ZFHX4: variants seen among roughly 807,000 people sequenced by gnomAD.
ZFHX4 encodes zinc finger homeobox 4, also known as zinc finger homeobox protein 4.
ZFHX4 carries 56 observed loss-of-function variants against 267.6 expected under a neutral mutation model. The observed-to-expected ratio is 0.21, with a 90% CI of 0.17 to 0.26. The LOEUF (loss-of-function observed/expected upper bound fraction) is 0.26. Ranked by LOEUF, ZFHX4 falls within the 10% of genes least tolerant of loss-of-function variation. ZFHX4 has a pLI of 1.00. For synonymous variants in ZFHX4, 1,778 were observed against 1,665.6 expected (o/e 1.07, Z -1.64); for missense variants, 4,332 against 4,420.0 (o/e 0.98, Z 0.56).
intron 4 of ZFHX4, among the ~76,000 whole-genome samples, chr8:76,803,078 C>G (rs1441982309): frequency 6.6e-6 from 1 of 152,030 alleles, no homozygotes; most frequent in Non-Finnish European, 1.5e-5. Context: ...TTCACTAATT[C>G]CTGTCAGCAC....
At chr8:76,786,978 A>G (rs72659515) in intron 4 of ZFHX4, among the ~76,000 whole-genome samples, 1 of 152,326 alleles carries the variant, frequency 6.6e-6, no homozygotes, top group Non-Finnish European at 1.5e-5. Flanking sequence ...TTATTTTGCC[A>G]TAGGGGGGTA....
rs58390907 is a variant in ZFHX4, at chr8:76,861,455, C to T, written c.9380-1639C>T. 0.028 allele frequency among the ~76,000 whole-genome samples: 4,321 copies of T among 152,112 alleles called. 373 individuals are homozygous for T. The East Asian group carries it at 0.36, about 13-fold the overall frequency. The stretch of plus-strand genomic sequence containing the variant: ...AGGATGTTGGGAGATTGTTTTCTAA[C>T]ATCATGTAAACTCCTTAGAGTCTAT... On this transcript the variant is annotated intron_variant, in intron 10 of 10. Transcript: ENST00000651372.
intron 5 of ZFHX4, among the ~76,000 whole-genome samples, chr8:76,839,418 A>G (rs940605015): frequency 1.3e-5 from 2 of 152,168 alleles, no homozygotes; most frequent in African/African-American, 4.8e-5. Flanking sequence ...GTAAAAATGA[A>G]TATGTATTAT....
intron 4 of ZFHX4, among the ~76,000 whole-genome samples, chr8:76,798,619 T>G (rs1811043089): frequency 6.6e-6 from 1 of 152,214 alleles, no homozygotes; most frequent in Non-Finnish European, 1.5e-5. Context: ...GCAAGTGTAT[T>G]TTTTAAAATT....
chr8:76,741,038 G>A (rs1809302712), intron 3 of ZFHX4, among the ~76,000 whole-genome samples: 1 of 152,122 alleles, frequency 6.6e-6, no homozygotes, highest in South Asian at 2.1e-4. Context: ...CTACATAGGA[G>A]TGGTGATAAG....
intron 1 of ZFHX4, among the ~76,000 whole-genome samples, chr8:76,688,010 C>G (rs1304759040): frequency 6.6e-6 from 1 of 152,130 alleles, no homozygotes; most frequent in Non-Finnish European, 1.5e-5. Flanking sequence ...AGCAGGGGCT[C>G]AGATTTCAGC....
At position 76,854,437 on chromosome 8, in the gene ZFHX4, G is replaced by C; in HGVS notation, c.7516G>C (p.Glu2506Gln). 6.2e-7 allele frequency: 1 copy of C among 1,613,856 alleles called. No individual in the cohort carries two copies. The highest frequency in any genetic ancestry group is 8.5e-7 in the Non-Finnish European group (1 of 1,179,864). ...GTGTACAGTTGCCTTCCCAACTCTGGAACTCTGGCAGGAACACCAGCACAT... is the reference window on the plus strand; with the variant it reads ...GTGTACAGTTGCCTTCCCAACTCTGCAACTCTGGCAGGAACACCAGCACAT... ...DQCTVAFPTL[E>Q]LWQEHQHMHF... is the part of the protein sequence containing the mutation. Residue 2506 changes from glutamate to glutamine, a missense_variant, in exon 10 of 11, where the codon GAA (glutamate) becomes CAA (glutamine). Transcript: ENST00000651372.
At chr8:76,687,883 C>T (rs1215581038) in intron 1 of ZFHX4, among the ~76,000 whole-genome samples, 2 of 152,070 alleles carry the variant, frequency 1.3e-5, no homozygotes, top group Non-Finnish European at 2.9e-5. Context: ...TGAATAGGGT[C>T]CTGAATGGCT....
At chr8:76,734,997 T>C (rs1029392758) in intron 3 of ZFHX4, among the ~76,000 whole-genome samples, 4 of 152,150 alleles carry the variant, frequency 2.6e-5, no homozygotes, top group Non-Finnish European at 5.9e-5. Context: ...TGATACTCTA[T>C]TGATGATAGA....
chr8:76,698,702 G>T (rs536657477), intron 1 of ZFHX4, among the ~76,000 whole-genome samples: 2 of 150,552 alleles, frequency 1.3e-5, no homozygotes, highest in Non-Finnish European at 3.0e-5. Flanking sequence ...GGAAAACAGA[G>T]AAAAACGACT....
intron 3 of ZFHX4, among the ~76,000 whole-genome samples, chr8:76,735,255 G>A (rs1391131003): frequency 6.6e-6 from 1 of 152,014 alleles, no homozygotes; most frequent in Non-Finnish European, 1.5e-5. Context: ...AGGTTTTTGA[G>A]CCACTAGGTG....
Position 76,855,891 on chromosome 8 carries a change from C to A in ZFHX4, c.8970C>A (p.Asn2990Lys). 2 of 1,613,800 alleles carry A rather than the reference C, an allele frequency of 1.2e-6. No individual in the cohort carries two copies. The highest frequency in any genetic ancestry group is 2.2e-5 in the South Asian group (2 of 91,072). ...ARAKEKKFKI[N>K]IGKPFMINQG... is the part of the protein sequence containing the mutation. Reference sequence around the variant, plus strand: ...CAAAGGAAAAGAAATTTAAAATTAACATAGGGAAGCCTTTCATGATCAATC... The same window carrying A: ...CAAAGGAAAAGAAATTTAAAATTAAAATAGGGAAGCCTTTCATGATCAATC... The change falls in exon 10 of 11, where the codon AAC becomes AAA. Residue 2990 changes from asparagine to lysine, a missense_variant. Transcript: ENST00000651372.
intron 1 of ZFHX4, among the ~76,000 whole-genome samples, chr8:76,702,609 G>A (rs1008903661): frequency 6.6e-6 from 1 of 152,120 alleles, no homozygotes; most frequent in African/African-American, 2.4e-5. Context: ...GAGCATCCAG[G>A]CTGAGATAGT....
intron 3 of ZFHX4, among the ~76,000 whole-genome samples, chr8:76,751,645 A>G (rs895801622): frequency 2.0e-5 from 3 of 152,236 alleles, no homozygotes; most frequent in African/African-American, 7.2e-5. Flanking sequence ...GGGAAAGAAG[A>G]TGAGATAAAA....
chr8:76,704,989 C>G lies in ZFHX4; in HGVS notation c.901C>G (p.His301Asp). ...RSFVTHAVHD[H>D]RMTLNDEEQK... is the part of the protein sequence containing the mutation. ...ATTTGTAACCCATGCTGTGCATGAT[C>G]ATCGGATGACCCTCAATGACGAGGA... Residue 301 changes from histidine to aspartate, a missense_variant, in exon 2 of 11, where the codon CAT becomes GAT. By Grantham distance (81) the His-to-Asp change is moderately conservative. Transcript: ENST00000651372. The G allele has an allele frequency of 6.2e-7, 1 of 1,613,882 alleles. No homozygotes were observed. Among genetic ancestry groups the G allele is most frequent in the Non-Finnish European group, 8.5e-7 (1 of 1,179,832 alleles).
chr8:76,715,139 T>C (rs550189141), intron 3 of ZFHX4, among the ~76,000 whole-genome samples: 6 of 152,268 alleles, frequency 3.9e-5, no homozygotes, highest in African/African-American at 1.4e-4. Flanking sequence ...TATGTAGTTT[T>C]CAAACATGAG....
At chr8:76,791,491 A>C (rs1409056915) in intron 4 of ZFHX4, among the ~76,000 whole-genome samples, 1 of 152,152 alleles carries the variant, frequency 6.6e-6, no homozygotes, top group African/African-American at 2.4e-5. Context: ...AATGATATTA[A>C]TATCATATTG....
rs376545676 is a variant in ZFHX4 at position 76,855,358 on chromosome 8, G to A, written c.8437G>A (p.Ala2813Thr). The A allele has an allele frequency of 2.0e-5, 32 of 1,613,352 alleles. No individual in the cohort carries two copies. The highest frequency in any genetic ancestry group is 2.7e-5 in the Non-Finnish European group (32 of 1,179,794). The change falls in exon 10 of 11, where the codon GCC becomes ACC. Residue 2813 changes from alanine to threonine, a missense_variant. Physicochemically the swap from Ala to Thr is moderately conservative, Grantham distance 58. Coordinates refer to ENST00000651372, the MANE Select transcript of ZFHX4 (RefSeq NM_024721.5). ...TSSINTAISD[A>T]TTGDEGNTEM... ...ATCGATTAATACGGCAATCAGTGAC[G>A]CCACCACCGGAGACGAGGGAAACAC... is the stretch of plus-strand genomic sequence containing the variant.
chr8:76,788,752 T>C (rs16939364), intron 4 of ZFHX4, among the ~76,000 whole-genome samples: 363 of 152,276 alleles, frequency 2.4e-3, no homozygotes, highest in African/African-American at 8.1e-3. Flanking sequence ...TGCATTTTGT[T>C]ATAAAGAGCC....
Sources: gnomAD v4.1 joint callset for allele counts (sites outside exome capture counted in the v4.1 genomes callset) on GRCh38, gnomAD v4.1.1 for gene constraint, MANE v1.5 for transcripts, NCBI Gene and HGNC (gene_info 2026-07-23, HGNC 2026-07-21) for gene names.